The following BRCA2 variants were observed in gnomAD, a reference collection of about 807,000 sequenced individuals.
BRCA2 encodes breast cancer type 2 susceptibility protein.
A neutral mutation model predicts 276.7 loss-of-function variants in BRCA2; 203 were observed. The ratio of observed to expected loss-of-function variants is 0.73; its 90% confidence interval spans 0.65 to 0.82. The LOEUF is 0.82. BRCA2 is among the 40% of genes least tolerant of loss of function. BRCA2 has a pLI of 0.00. For missense variants in BRCA2, 3,920 were observed against 3,915.0 expected, an observed-to-expected ratio of 1.00 and a Z score of -0.03; for synonymous variants, 1,289 against 1,338.4, an observed-to-expected ratio of 0.96 and a Z score of 0.81.
chr13:32,344,622 A>G lies in BRCA2; in HGVS notation c.6906A>G (p.Lys2302=), dbSNP rs786201621. The change falls in exon 12 of 27, where the codon AAA becomes AAG. Residue 2302 remains lysine, a synonymous_variant. Coordinates refer to ENST00000380152, the MANE Select transcript of BRCA2 (RefSeq NM_000059.4). ...EFDRIIENQE[K]SLKASKSTPD... ...ACAGGATAATAGAAAATCAAGAAAA[A>G]TCCTTAAAGGCTTCAAAAAGCACTC... 1 of 1,583,020 alleles carries G rather than the reference A, an allele frequency of 6.3e-7. No homozygotes were observed. The highest frequency in any genetic ancestry group is 1.3e-5 in the African/African-American group (1 of 74,148).
At chr13:32,322,218 AT>A (rs757872441) in intron 3 of BRCA2, among the ~76,000 whole-genome samples, 2 of 152,146 alleles carry the variant, frequency 1.3e-5, no homozygotes, top group Middle Eastern at 3.2e-3. Flanking sequence ...CTTTTCCAGA[AT>A]GTCATGTAGT....
In BRCA2 at chr13:32,399,595, ATTTAT is replaced by A; in HGVS notation, c.*829_*833del. ...TTTAAATCAGAAGATTTCATAGTTAATTTATTTTTTTTTTCAACAAAATGGTCATC... is the reference window on the plus strand; with the variant it reads ...TTTAAATCAGAAGATTTCATAGTTAATTTTTTTTTCAACAAAATGGTCATC... On this transcript the variant is annotated 3_prime_UTR_variant, in exon 27 of 27. Transcript: ENST00000380152. The A allele has an allele frequency of 5.8e-6, 1 of 172,050 alleles. No homozygotes were observed. The highest frequency in any genetic ancestry group is 9.9e-5 in the East Asian group (1 of 10,144). The allele number at this position is 172,050 out of a possible 1,614,324, so 10.7% of individuals were successfully genotyped here.
Position 32,338,806 on chromosome 13 carries a change from A to C in BRCA2, c.4451A>C (p.Asp1484Ala), listed in dbSNP as rs1327059542. The part of the protein sequence containing the change: ...KMDILSYEET[D>A]IVKHKILKES... ...GACATTCTAAGTTATGAGGAAACAG[A>C]CATAGTTAAACACAAAATACTGAAA... Residue 1484 changes from aspartate (D) to alanine (A), a missense_variant, in exon 11 of 27, where the codon GAC (aspartate) becomes GCC (alanine). This residue lies in a region of BRCA2 where 3,263 missense variants were observed against 3,156.9 expected (regional missense o/e 1.03). Coordinates refer to ENST00000380152, the MANE Select transcript of BRCA2 (RefSeq NM_000059.4). 6.2e-7 allele frequency: 1 copy of C among 1,613,676 alleles called. No individual in the cohort carries two copies.
At chr13:32,378,027 A>G (rs185111602) in intron 21 of BRCA2, among the ~76,000 whole-genome samples, 17 of 152,338 alleles carry the variant, frequency 1.1e-4, no homozygotes, top group Middle Eastern at 3.4e-3. Flanking sequence ...ACCTGTGAGT[A>G]TACTTGCTGC....
At chr13:32,315,315 T>A (rs565737252), upstream of BRCA2, 5 of 152,362 alleles carry the variant, frequency 3.3e-5, no homozygotes, top group East Asian at 9.7e-4. Flanking sequence ...GAACACACAC[T>A]CCAGCTCCCG....
At chr13:32,381,456 T>C (rs1190196524) in intron 24 of BRCA2, among the ~76,000 whole-genome samples, 1 of 151,976 alleles carries the variant, frequency 6.6e-6, no homozygotes, top group East Asian at 1.9e-4. Context: ...AAGCTGACAT[T>C]TGAGTGAAGC....
At chr13:32,393,846 T>C (rs2073014743) in intron 24 of BRCA2, among the ~76,000 whole-genome samples, 1 of 152,182 alleles carries the variant, frequency 6.6e-6, no homozygotes, top group South Asian at 2.1e-4. Context: ...ACTGTGGTTC[T>C]AGGGAGTCAG....
rs774152844 is a variant in BRCA2, at chr13:32,319,290, C to A, written c.281C>A (p.Pro94His). 1 of 1,613,892 alleles carries A rather than the reference C, an allele frequency of 6.2e-7. No homozygotes were observed. Among genetic ancestry groups the A allele is most frequent in the South Asian group, 1.1e-5 (1 of 91,082 alleles). Residue 94 changes from proline (P) to histidine (H), a missense_variant, in exon 3 of 27, where the codon CCT becomes CAT. By Grantham distance (77) the Pro-to-His change is moderately conservative. Transcript: ENST00000380152. The stretch of plus-strand genomic sequence containing the variant: ...CTGACTCTGCCGCTGTACCAATCTC[C>A]TGTAAAAGAATTAGATAAATTCAAA... ...QGLTLPLYQSPVKELDKFKLD... is the reference protein window; with the variant it reads ...QGLTLPLYQSHVKELDKFKLD...
At position 32,338,073 on chromosome 13, in the gene BRCA2, CTGTT is replaced by C. The variant is rs886038093; in HGVS notation, c.3720_3723del (p.Phe1241ValfsTer17). 1 of 1,611,396 alleles carries C rather than the reference CTGTT, an allele frequency of 6.2e-7. No homozygotes were observed. Among genetic ancestry groups the C allele is most frequent in the Non-Finnish European group, 8.5e-7 (1 of 1,178,912 alleles). ...TGAAGCTCTGCAAAAAGCTGTGAAA[CTGTT>C]TAGTGATATTGAGAATATTAGTGAG... is the stretch of plus-strand genomic sequence containing the variant. On this transcript the variant is annotated frameshift_variant, in exon 11 of 27. Coordinates refer to ENST00000380152, the MANE Select transcript of BRCA2 (RefSeq NM_000059.4). LOFTEE classifies it high-confidence loss of function.
intron 11 of BRCA2, among the ~76,000 whole-genome samples, chr13:32,344,182 A>AG (rs1491055086): frequency 1.2e-4 from 17 of 147,180 alleles, no homozygotes; most frequent in South Asian, 2.1e-4. Flanking sequence ...AAAAAAAAAA[A>AG]AGAGAGAAAA....
intron 16 of BRCA2, among the ~76,000 whole-genome samples, chr13:32,358,391 G>A (rs555639236): frequency 4.7e-4 from 70 of 150,142 alleles, no homozygotes; most frequent in South Asian, 1.1e-3. Flanking sequence ...CAGGAGAATC[G>A]CTTGAACCTG....
rs398122563 is a variant in BRCA2, at chr13:32,329,490, G to C, written c.679G>C (p.Ala227Pro). ...AACTGTATTTCCTCATGATACTACT[G>C]CTGTAAGTAAATATGACATTGATTA... ...SETVFPHDTT[A>P]NVKSYFSNHD... The change falls in exon 8 of 27, where the codon GCT becomes CCT. Residue 227 changes from alanine (A) to proline (P), a missense_variant and splice_region_variant. Coordinates refer to ENST00000380152, the MANE Select transcript of BRCA2 (RefSeq NM_000059.4). 1.3e-6 allele frequency: 2 copies of C among 1,594,182 alleles called. No homozygotes were observed.
At position 32,332,479 on chromosome 13, in the gene BRCA2, A is replaced by G. The variant is rs587782016; in HGVS notation, c.1001A>G (p.His334Arg). Residue 334 changes from histidine to arginine, a missense_variant, in exon 10 of 27, where the codon CAT becomes CGT. Coordinates refer to ENST00000380152, the MANE Select transcript of BRCA2 (RefSeq NM_000059.4). ...RTSKTRKKIF[H>R]EANADECEKS... ...AGCAAGACTAGGAAAAAAATTTTCC[A>G]TGAAGCAAACGCTGATGAATGTGAA... 3 of 1,596,718 alleles carry G rather than the reference A, an allele frequency of 1.9e-6. No individual in the cohort carries two copies. Among genetic ancestry groups the G allele is most frequent in the Non-Finnish European group, 2.6e-6 (3 of 1,175,538 alleles).
At chr13:32,329,520 G>A (rs766410261) in intron 8 of BRCA2, 28 bp downstream of exon 8, 1 of 1,537,320 alleles carries the variant, frequency 6.5e-7, no homozygotes, top group Non-Finnish European at 9.0e-7. Context: ...TGATTAGACT[G>A]TTGAAATTGC....
In BRCA2 at chr13:32,340,863, A is replaced by G. The variant is rs2072557860; in HGVS notation, c.6508A>G (p.Lys2170Glu). 1 of 1,600,560 alleles carries G rather than the reference A, an allele frequency of 6.2e-7. No individual in the cohort carries two copies. The highest frequency in any genetic ancestry group is 8.5e-7 in the Non-Finnish European group (1 of 1,176,060). Residue 2170 changes from lysine to glutamate, a missense_variant, in exon 11 of 27, where the codon AAA becomes GAA. Lys to Glu is a moderately conservative substitution (Grantham distance 56). Transcript: ENST00000380152. ...CAAACAACAGTTGGTATTAGGAACC[A>G]AAGTGTCACTTGTTGAGAACATTCA... ...QDKQQLVLGTKVSLVENIHVL... is the reference protein window; with the variant it reads ...QDKQQLVLGTEVSLVENIHVL...
chr13:32,375,365 G>A (rs1383714863), intron 20 of BRCA2: 1 of 452,068 alleles, frequency 2.2e-6, no homozygotes, highest in South Asian at 1.6e-5. Flanking sequence ...CTGAAGTCTT[G>A]AACCCCCCAA....
intron 26 of BRCA2, among the ~76,000 whole-genome samples, chr13:32,397,316 G>A (rs1376419207): frequency 6.6e-6 from 1 of 152,142 alleles, no homozygotes; most frequent in East Asian, 1.9e-4. Flanking sequence ...CATACAATTA[G>A]GGTTGTTTCT....
In BRCA2 at chr13:32,329,303, A is replaced by G. The variant is rs533485220; in HGVS notation, c.632-140A>G. The G allele has an allele frequency of 2.2e-5, 14 of 623,664 alleles. No homozygotes were observed. In the South Asian group the frequency reaches 2.5e-4, roughly 11 times the overall value. The allele number at this position is 623,664 out of a possible 1,614,324, so 38.6% of individuals were successfully genotyped here. A position where few individuals can be genotyped will look rare whatever the true frequency, so the allele number is the denominator to read the frequency against. On this transcript the variant is annotated intron_variant, in intron 7 of 26. Transcript: ENST00000380152. Reference sequence around the variant, plus strand: ...GTTGATTGACCTTTCTAATTACTATACTTAAGTACTTGAATCAATTCATTT... The same window carrying G: ...GTTGATTGACCTTTCTAATTACTATGCTTAAGTACTTGAATCAATTCATTT...
chr13:32,355,068 CTT>C lies in BRCA2; in HGVS notation c.7217_7218del (p.Phe2406CysfsTer5), dbSNP rs876659345. 1 of 1,613,976 alleles carries C rather than the reference CTT, an allele frequency of 6.2e-7. No homozygotes were observed. Among genetic ancestry groups the C allele is most frequent in the Non-Finnish European group, 8.5e-7 (1 of 1,179,912 alleles). On this transcript the variant is annotated frameshift_variant, in exon 14 of 27. Coordinates refer to ENST00000380152, the MANE Select transcript of BRCA2 (RefSeq NM_000059.4). LOFTEE classifies it high-confidence loss of function. ...LITTGRPTKV[F>X]VPPFKTKSHF... ...TTACTACAGGCAGACCAACCAAAGT[CTT>C]TGTTCCACCTTTTAAAACTAAATCA... is the stretch of plus-strand genomic sequence containing the variant.
Sources: allele counts gnomAD v4.1 joint callset (sites outside exome capture counted in the v4.1 genomes callset), GRCh38; gene constraint gnomAD v4.1.1; regional missense constraint gnomAD v4.1.1; transcripts MANE v1.5; gene names NCBI Gene and HGNC (gene_info 2026-07-23, HGNC 2026-07-21).